PLCL1: variants seen among roughly 807,000 people sequenced by gnomAD.
PLCL1 encodes the protein inactive phospholipase C-like protein 1.
PLCL1 carries 41 observed loss-of-function variants against 84.4 expected under a neutral mutation model. The ratio of observed to expected loss-of-function variants is 0.49; its 90% CI spans 0.38 to 0.63. PLCL1 has a LOEUF of 0.63. Ranked by LOEUF, PLCL1 falls within the 30% of genes least tolerant of loss-of-function variation. PLCL1 has a pLI of 0.00. For synonymous variants in PLCL1, 490 were observed against 488.3 expected (o/e 1.00, Z -0.05); for missense variants, 1,206 against 1,367.8 (o/e 0.88, Z 1.87).
At chr2:197,995,136 C>T (rs1280620529) in intron 1 of PLCL1, among the ~76,000 whole-genome samples, 1 of 152,132 alleles carries the variant, frequency 6.6e-6, no homozygotes, top group African/African-American at 2.4e-5. Flanking sequence ...TCATTTTGCT[C>T]TGTTTTGTTT....
rs118189162 is a variant in PLCL1, at chr2:198,132,706, A to G, written c.3106-14074A>G. ...TACTTACAAAGTTGATTTAAAAATA[A>G]GAATGTAGATTCTGGATATTAGCCC... is the stretch of plus-strand genomic sequence containing the variant. On this transcript the variant is annotated intron_variant, in intron 5 of 5. Coordinates refer to ENST00000428675, the MANE Select transcript of PLCL1 (RefSeq NM_006226.4). 6.6e-5 allele frequency among the ~76,000 whole-genome samples: 10 copies of G among 152,284 alleles called. No homozygotes were observed. The East Asian group carries it at 1.9e-3, about 29-fold the overall frequency.
chr2:198,066,209 T>A (rs1692316682), intron 1 of PLCL1, among the ~76,000 whole-genome samples: 1 of 152,208 alleles, frequency 6.6e-6, no homozygotes, highest in African/African-American at 2.4e-5. Context: ...TTCAGCCCCA[T>A]GATTTTGAAA....
chr2:197,975,732 G>A (rs1237603975), intron 1 of PLCL1, among the ~76,000 whole-genome samples: 2 of 152,142 alleles, frequency 1.3e-5, no homozygotes, highest in Non-Finnish European at 1.5e-5. Context: ...CTTGAGCCCA[G>A]GTCATCAAGG....
intron 1 of PLCL1, among the ~76,000 whole-genome samples, chr2:197,819,301 G>A (rs900604065): frequency 2.0e-5 from 3 of 152,124 alleles, no homozygotes; most frequent in Admixed American, 1.3e-4. Context: ...GCTTGCCGTG[G>A]GGGCTGCAAA....
intron 5 of PLCL1, among the ~76,000 whole-genome samples, chr2:198,140,930 T>A (rs951263076): frequency 6.6e-6 from 1 of 152,196 alleles, no homozygotes; most frequent in Admixed American, 6.5e-5. Context: ...ATTAAAAAAT[T>A]AACTTTATAT....
intron 1 of PLCL1, among the ~76,000 whole-genome samples, chr2:197,834,062 G>A (rs193177107): frequency 8.3e-4 from 127 of 152,274 alleles, no homozygotes; most frequent in Non-Finnish European, 1.2e-3. Flanking sequence ...ACAAGCAGTG[G>A]GGTAAGATTC....
intron 3 of PLCL1, among the ~76,000 whole-genome samples, chr2:198,093,269 C>G (rs1303882048): frequency 6.6e-6 from 1 of 152,144 alleles, no homozygotes; most frequent in East Asian, 1.9e-4. Flanking sequence ...CACAAAGAGT[C>G]AACCCTAATG....
At chr2:198,072,719 A>G (rs938531490) in intron 1 of PLCL1, among the ~76,000 whole-genome samples, 1 of 152,046 alleles carries the variant, frequency 6.6e-6, no homozygotes, top group Non-Finnish European at 1.5e-5. Flanking sequence ...TCTTTGGGGT[A>G]GTTTCAGTTA....
intron 1 of PLCL1, among the ~76,000 whole-genome samples, chr2:198,018,553 G>A (rs1023541696): frequency 6.6e-6 from 1 of 152,146 alleles, no homozygotes; most frequent in Non-Finnish European, 1.5e-5. Flanking sequence ...GGGGAGGGAC[G>A]TCTACCATTA....
At chr2:197,833,989 C>G (rs546755356) in intron 1 of PLCL1, among the ~76,000 whole-genome samples, 1 of 152,264 alleles carries the variant, frequency 6.6e-6, no homozygotes, top group East Asian at 1.9e-4. Flanking sequence ...TGGAACAGAA[C>G]AGAGGCCTCA....
intron 1 of PLCL1, among the ~76,000 whole-genome samples, chr2:197,821,046 C>T (rs972145983): frequency 1.3e-5 from 2 of 152,092 alleles, no homozygotes; most frequent in Admixed American, 6.6e-5. Flanking sequence ...TGTCTTGTCC[C>T]TGTAAGGATC....
At chr2:198,114,432 G>A (rs1421579019) in intron 5 of PLCL1, among the ~76,000 whole-genome samples, 1 of 151,686 alleles carries the variant, frequency 6.6e-6, no homozygotes, top group African/African-American at 2.4e-5. Flanking sequence ...ATGAATAGAT[G>A]CATCATAGAC....
chr2:197,857,898 A>G (rs1361430786), intron 1 of PLCL1, among the ~76,000 whole-genome samples: 1 of 151,898 alleles, frequency 6.6e-6, no homozygotes, highest in Admixed American at 6.6e-5. Flanking sequence ...GGTGAAAGGG[A>G]TCTTGAAAAA....
chr2:197,863,127 G>C (rs947326402), intron 1 of PLCL1, among the ~76,000 whole-genome samples: 3 of 150,422 alleles, frequency 2.0e-5, no homozygotes, highest in Admixed American at 6.6e-5. Context: ...GGTAAATATA[G>C]ATAAGAGTTT....
intron 1 of PLCL1, among the ~76,000 whole-genome samples, chr2:198,032,605 A>G (rs1691454998): frequency 6.6e-6 from 1 of 152,020 alleles, no homozygotes; most frequent in South Asian, 2.1e-4. Flanking sequence ...TTATGGATGG[A>G]TTTCCTGGTT....
chr2:198,089,071 T>G lies in PLCL1; in HGVS notation c.2919+10T>G. ...GACTGCTTATGATCTGGTAGGAAAT[T>G]GCGACTCCATATTTTTTTACGTGTG... On this transcript the variant is annotated intron_variant, in intron 3 of 5. Transcript: ENST00000428675. 10 of 1,605,394 alleles carry G rather than the reference T, an allele frequency of 6.2e-6. No homozygotes were observed. Among genetic ancestry groups the G allele is most frequent in the Non-Finnish European group, 8.5e-6 (10 of 1,172,214 alleles).
At chr2:197,852,157 G>A (rs554409911) in intron 1 of PLCL1, among the ~76,000 whole-genome samples, 1 of 152,242 alleles carries the variant, frequency 6.6e-6, no homozygotes, top group Non-Finnish European at 1.5e-5. Context: ...CATGTGGAAT[G>A]AGGGCAAAAA....
chr2:198,116,058 T>C (rs1410137810), intron 5 of PLCL1, among the ~76,000 whole-genome samples: 6 of 149,620 alleles, frequency 4.0e-5, no homozygotes, highest in Admixed American at 2.0e-4. Flanking sequence ...TGTATATATG[T>C]ATATGTGTAC....
intron 1 of PLCL1, among the ~76,000 whole-genome samples, chr2:197,817,115 T>A (rs1017990747): frequency 1.3e-5 from 2 of 152,168 alleles, no homozygotes; most frequent in African/African-American, 4.8e-5. Flanking sequence ...GTTTTAATTA[T>A]CTATCTGAAG....
Sources: allele counts gnomAD v4.1 joint callset (sites outside exome capture counted in the v4.1 genomes callset), GRCh38; gene constraint gnomAD v4.1.1; transcripts MANE v1.5; gene names NCBI Gene and HGNC (gene_info 2026-07-23, HGNC 2026-07-21).